MACROD2: variants seen among roughly 807,000 people sequenced by gnomAD.
MACROD2 encodes ADP-ribose glycohydrolase MACROD2.
MACROD2 carries 36 observed loss-of-function variants against 70.4 expected under a neutral mutation model. The ratio of observed to expected loss-of-function variants is 0.51; its 90% CI spans 0.39 to 0.68. The LOEUF (loss-of-function observed/expected upper bound fraction) is 0.68, where lower values mean the gene tolerates loss of function less well. Among genes scored for constraint, MACROD2 ranks in the 30% least tolerant of loss-of-function variants. The pLI, the probability that MACROD2 is intolerant of heterozygous loss-of-function variation, is 0.00. For synonymous variants in MACROD2, 172 were observed against 178.8 expected (o/e 0.96, Z 0.30); for missense variants, 496 against 538.4 (o/e 0.92, Z 0.78).
intron 5 of MACROD2, among the ~76,000 whole-genome samples, chr20:14,962,073 T>G (rs1475575327): frequency 6.6e-6 from 1 of 152,068 alleles, no homozygotes; most frequent in East Asian, 1.9e-4. Context: ...TGCTTCCCAG[T>G]TTCAAGCAAT....
intron 3 of MACROD2, among the ~76,000 whole-genome samples, chr20:14,364,861 G>T (rs931329711): frequency 6.6e-6 from 1 of 152,250 alleles, no homozygotes; most frequent in South Asian, 2.1e-4. Flanking sequence ...TTCATCTGCT[G>T]CTGGACACTT....
At chr20:14,011,372 G>A (rs1480728092) in intron 2 of MACROD2, among the ~76,000 whole-genome samples, 3 of 152,098 alleles carry the variant, frequency 2.0e-5, no homozygotes, top group South Asian at 2.1e-4. Flanking sequence ...AAACCTGACT[G>A]TATTTGCGTA....
intron 4 of MACROD2, 169 bp downstream of exon 4, chr20:14,493,677 C>T: frequency 1.8e-6 from 1 of 552,624 alleles, no homozygotes; most frequent in Non-Finnish European, 3.3e-6. Flanking sequence ...CCTTGGTTTG[C>T]TTAAATGTTA....
At chr20:15,892,411 C>G (rs367797775) in intron 10 of MACROD2, among the ~76,000 whole-genome samples, 1 of 152,184 alleles carries the variant, frequency 6.6e-6, no homozygotes, top group Non-Finnish European at 1.5e-5. Flanking sequence ...AAATAGGAAG[C>G]ACAGTAATTT....
chr20:14,045,329 A>C (rs1232801691), intron 2 of MACROD2, among the ~76,000 whole-genome samples: 1 of 152,214 alleles, frequency 6.6e-6, no homozygotes, highest in East Asian at 1.9e-4. Flanking sequence ...CAGGGCTGCC[A>C]GCATGCTGTC....
chr20:15,703,165 G>A (rs2146900493), intron 8 of MACROD2, among the ~76,000 whole-genome samples: 1 of 152,304 alleles, frequency 6.6e-6, no homozygotes, highest in Non-Finnish European at 1.5e-5. Context: ...AGATTTAAAT[G>A]TAAGACCTCA....
intron 8 of MACROD2, among the ~76,000 whole-genome samples, chr20:15,832,200 A>G (rs186656641): frequency 1.1e-4 from 16 of 152,282 alleles, no homozygotes; most frequent in East Asian, 5.8e-4. Context: ...GTGAATTTTT[A>G]TGTGTCTCTC....
intron 5 of MACROD2, among the ~76,000 whole-genome samples, chr20:14,725,910 G>C (rs2071524256): frequency 6.6e-6 from 1 of 152,196 alleles, no homozygotes; most frequent in Non-Finnish European, 1.5e-5. Context: ...ACAGGAAACA[G>C]TGTGTGCACC....
intron 4 of MACROD2, among the ~76,000 whole-genome samples, chr20:14,517,335 A>G (rs1046630053): frequency 6.6e-6 from 1 of 152,342 alleles, no homozygotes; most frequent in Middle Eastern, 3.4e-3. Context: ...TGGCACATAT[A>G]CACCATGGAA....
chr20:14,057,748 C>T (rs2053646948), intron 2 of MACROD2, among the ~76,000 whole-genome samples: 1 of 152,024 alleles, frequency 6.6e-6, no homozygotes, highest in Non-Finnish European at 1.5e-5. Flanking sequence ...TTTGTATTAG[C>T]CGAAACCTGG....
chr20:14,277,706 A>G (rs1369862707), intron 3 of MACROD2, among the ~76,000 whole-genome samples: 1 of 152,028 alleles, frequency 6.6e-6, no homozygotes, highest in Non-Finnish European at 1.5e-5. Context: ...TTAAAAAAAA[A>G]GAGAGAGTGA....
intron 3 of MACROD2, among the ~76,000 whole-genome samples, chr20:14,464,543 G>T (rs576306288): frequency 1.3e-5 from 2 of 152,080 alleles, no homozygotes. Flanking sequence ...CTTCAGTTCT[G>T]CTCCGATCTT....
chr20:14,435,471 TGCTTTTGTTCA>T, intron 3 of MACROD2, among the ~76,000 whole-genome samples: 1 of 152,304 alleles, frequency 6.6e-6, no homozygotes, highest in South Asian at 2.1e-4. Context: ...CAGTGTTCAC[TGCTTTTGTTCA>T]TAGTGGAGGT....
intron 2 of MACROD2, among the ~76,000 whole-genome samples, chr20:14,047,256 C>T (rs1204690553): frequency 1.3e-5 from 2 of 151,908 alleles, no homozygotes; most frequent in Non-Finnish European, 2.9e-5. Context: ...ACCAGTCTGA[C>T]CAGCATGGTG....
chr20:15,829,965 G>A (rs2064036716), intron 8 of MACROD2, among the ~76,000 whole-genome samples: 1 of 152,208 alleles, frequency 6.6e-6, no homozygotes, highest in Non-Finnish European at 1.5e-5. Flanking sequence ...GGAATAGGAT[G>A]CACACAGCTG....
intron 6 of MACROD2, among the ~76,000 whole-genome samples, chr20:15,234,369 T>C (rs888186394): frequency 6.6e-6 from 1 of 151,814 alleles, no homozygotes; most frequent in African/African-American, 2.4e-5. Context: ...AGATTGTTGA[T>C]TGCAAGATAG....
intron 3 of MACROD2, among the ~76,000 whole-genome samples, chr20:14,384,356 C>T (rs1189515091): frequency 6.6e-6 from 1 of 152,064 alleles, no homozygotes; most frequent in African/African-American, 2.4e-5. Context: ...TTTAAGAAAA[C>T]TTTGGAAAAT....
chr20:14,366,579 A>C (rs945437756), intron 3 of MACROD2, among the ~76,000 whole-genome samples: 2 of 151,880 alleles, frequency 1.3e-5, no homozygotes, highest in African/African-American at 4.8e-5. Flanking sequence ...GTTGGCCAGG[A>C]TGGTTTCAAT....
intron 7 of MACROD2, among the ~76,000 whole-genome samples, chr20:15,437,096 G>A (rs6043278): frequency 3.9e-5 from 6 of 152,128 alleles, no homozygotes; most frequent in Non-Finnish European, 7.4e-5. Flanking sequence ...GGTGTGCTAA[G>A]GATGTAAATT....
Sources: gnomAD v4.1 joint callset for allele counts (sites outside exome capture counted in the v4.1 genomes callset) on GRCh38, gnomAD v4.1.1 for gene constraint, MANE v1.5 for transcripts, NCBI Gene and HGNC (gene_info 2026-07-23, HGNC 2026-07-21) for gene names.